Variants in SASH1 observed in about 807,000 individuals in gnomAD.
SASH1 encodes the protein SAM and SH3 domain-containing protein 1.
A neutral mutation model predicts 125.2 loss-of-function variants in SASH1; 44 were observed. That is an observed-to-expected ratio of 0.35 (90% CI 0.28 to 0.45). The LOEUF is 0.45. Among genes scored for constraint, SASH1 ranks in the 20% least tolerant of loss-of-function variants. The pLI, the probability that SASH1 is intolerant of heterozygous loss-of-function variation, is 1.00. For missense variants in SASH1, 1,426 were observed against 1,614.5 expected (o/e 0.88, Z 2.00); for synonymous variants, 639 against 649.1 (o/e 0.98, Z 0.24).
chr6:148,296,572 T>C (rs1196322086), intron 1 of SASH1, among the ~76,000 whole-genome samples: 1 of 152,204 alleles, frequency 6.6e-6, no homozygotes, highest in African/African-American at 2.4e-5. Flanking sequence ...CCCCATTTTA[T>C]AGATGAGAAA....
chr6:148,474,369 C>T (rs1485567548), intron 7 of SASH1, 147 bp downstream of exon 7: 1 of 550,692 alleles, frequency 1.8e-6, no homozygotes, highest in Admixed American at 3.5e-5. Flanking sequence ...AAACATTCTA[C>T]TTTGTGAGGT....
At chr6:148,447,591 C>A (rs1377103122) in intron 4 of SASH1, among the ~76,000 whole-genome samples, 1 of 152,122 alleles carries the variant, frequency 6.6e-6, no homozygotes, top group Non-Finnish European at 1.5e-5. Context: ...ATTGCTTGCA[C>A]CACTGATCTG....
the SASH1 span, among the ~76,000 whole-genome samples, chr6:148,241,833 G>A: frequency 6.6e-6 from 1 of 152,172 alleles, no homozygotes; most frequent in Non-Finnish European, 1.5e-5. Flanking sequence ...CACCTCGTAT[G>A]ACTGTTGTAG....
intron 4 of SASH1, among the ~76,000 whole-genome samples, chr6:148,467,909 C>G (rs761554776): frequency 6.6e-6 from 1 of 152,060 alleles, no homozygotes; most frequent in Non-Finnish European, 1.5e-5. Flanking sequence ...TGTACTCCAG[C>G]TTGGACTACA....
chr6:148,311,871 C>G lies in SASH1; in HGVS notation n.74+39494C>G, dbSNP rs561381258. ...TGTTTATCATGGCTTTGTTCATAAT[C>G]AAGAAAAACTAACCAATTTTCAAAC... On this transcript the variant is annotated intron_variant and non_coding_transcript_variant, in intron 1 of 3. Transcript: ENST00000367469. Among the ~76,000 whole-genome samples, 4 of 152,238 alleles carry G rather than the reference C, an allele frequency of 2.6e-5. No individual in the cohort carries two copies. The South Asian group carries it at 8.3e-4, about 32-fold the overall frequency.
chr6:148,390,787 C>CA (rs778836199), intron 2 of SASH1, among the ~76,000 whole-genome samples: 1,898 of 127,428 alleles, frequency 0.015, 34 homozygotes, highest in African/African-American at 0.042. Flanking sequence ...GACTCCGTCT[C>CA]AAAAAAAAAA....
chr6:148,350,616 G>A (rs6942257), intron 1 of SASH1, among the ~76,000 whole-genome samples: 4 of 152,116 alleles, frequency 2.6e-5, no homozygotes, highest in Non-Finnish European at 4.4e-5. Context: ...TGATTGTTTC[G>A]TGTCTAAGAC....
At chr6:148,404,127 G>A (rs147185893) in intron 2 of SASH1, among the ~76,000 whole-genome samples, 2 of 152,288 alleles carry the variant, frequency 1.3e-5, no homozygotes, top group Non-Finnish European at 2.9e-5. Context: ...GACTCATAAA[G>A]TGAGGCTTTC....
At chr6:148,209,599 C>T in the SASH1 span, among the ~76,000 whole-genome samples, 1 of 152,202 alleles carries the variant, frequency 6.6e-6, no homozygotes, top group Non-Finnish European at 1.5e-5. Flanking sequence ...TTTGTCCTCA[C>T]CCGTTGTCAG....
At chr6:148,199,774 A>AAAGG in the SASH1 span, among the ~76,000 whole-genome samples, 6,285 of 151,150 alleles carry the variant, frequency 0.042, 173 homozygotes, top group Non-Finnish European at 0.058. Context: ...GAAGAAAAAG[A>AAAGG]AAGGAAGGAA....
At chr6:148,449,012 C>T (rs1459114917) in intron 4 of SASH1, among the ~76,000 whole-genome samples, 1 of 151,080 alleles carries the variant, frequency 6.6e-6, no homozygotes, top group Non-Finnish European at 1.5e-5. Context: ...CTTTGTTTCC[C>T]TCTGTTTTAG....
upstream of SASH1, among the ~76,000 whole-genome samples, chr6:148,270,752 G>GCCCC (rs1446023584): frequency 2.0e-5 from 3 of 152,198 alleles, no homozygotes; most frequent in East Asian, 3.9e-4. Context: ...ACTGATATTA[G>GCCCC]AGGTTTGGAT....
chr6:148,331,619 G>GC (rs553603790), intron 1 of SASH1, among the ~76,000 whole-genome samples: 109 of 151,434 alleles, frequency 7.2e-4, no homozygotes, highest in Non-Finnish European at 1.1e-3. Context: ...GTCAGCCACC[G>GC]CACCCAGCCA....
the SASH1 span, among the ~76,000 whole-genome samples, chr6:148,228,580 A>G: frequency 6.6e-6 from 1 of 152,230 alleles, no homozygotes; most frequent in South Asian, 2.1e-4. Context: ...TGTCAAATGG[A>G]TTTGGGGAGG....
At chr6:148,492,827 T>TATAAATAGATAA (rs1322975698) in intron 8 of SASH1, among the ~76,000 whole-genome samples, 4 of 145,522 alleles carry the variant, frequency 2.7e-5, no homozygotes, top group African/African-American at 1.0e-4. Context: ...TCTCATAAAA[T>TATAAATAGATAA]ATAAATAAAT....
At chr6:148,279,838 T>A (rs760878292) in intron 1 of SASH1, among the ~76,000 whole-genome samples, 2 of 151,702 alleles carry the variant, frequency 1.3e-5, no homozygotes, top group Admixed American at 6.6e-5. Context: ...AAGACAAAAA[T>A]TAGCTGGGTG....
chr6:148,438,796 A>G (rs1003481554), intron 2 of SASH1, among the ~76,000 whole-genome samples: 2 of 151,102 alleles, frequency 1.3e-5, no homozygotes, highest in African/African-American at 4.9e-5. Flanking sequence ...CACACTCCCA[A>G]CAGTTTACCC....
chr6:148,263,506 C>T, the SASH1 span, among the ~76,000 whole-genome samples: 1 of 152,188 alleles, frequency 6.6e-6, no homozygotes, highest in African/African-American at 2.4e-5. Context: ...TGGCCAAGAG[C>T]ACCTGTGCAC....
intron 2 of SASH1, among the ~76,000 whole-genome samples, chr6:148,398,272 A>G (rs35178077): frequency 0.051 from 7,720 of 152,308 alleles, 261 homozygotes; most frequent in Non-Finnish European, 0.074. Flanking sequence ...CCATTTTGCA[A>G]TTGTTGACCG....
Sources: allele counts gnomAD v4.1 joint callset (sites outside exome capture counted in the v4.1 genomes callset), GRCh38; gene constraint gnomAD v4.1.1; transcripts MANE v1.5; gene names NCBI Gene and HGNC (gene_info 2026-07-23, HGNC 2026-07-21).